Variants in FSTL4 observed in about 807,000 individuals in gnomAD.
The protein encoded by FSTL4 is follistatin-related protein 4.
Under a neutral mutation model 78.2 loss-of-function variants are expected in FSTL4, and 28 were observed. That is an observed-to-expected ratio of 0.36 (90% CI 0.27 to 0.49). The LOEUF is 0.49. Among genes scored for constraint, FSTL4 ranks in the 20% least tolerant of loss-of-function variants. The pLI, the probability that FSTL4 is intolerant of heterozygous loss-of-function variation, is 0.98. For missense variants in FSTL4, 922 were observed against 1,084.9 expected, an observed-to-expected ratio of 0.85 and a Z score of 2.11; for synonymous variants, 422 against 440.5, an observed-to-expected ratio of 0.96 and a Z score of 0.53.
chr5:133,400,048 C>T (rs930735815), intron 4 of FSTL4, among the ~76,000 whole-genome samples: 1 of 152,206 alleles, frequency 6.6e-6, no homozygotes, highest in African/African-American at 2.4e-5. Context: ...GGGCACAGTG[C>T]TAGGTGCTAA....
chr5:133,300,397 C>A (rs1561662413), intron 6 of FSTL4, among the ~76,000 whole-genome samples: 1 of 152,188 alleles, frequency 6.6e-6, no homozygotes, highest in South Asian at 2.1e-4. Context: ...CCCCGTTCCC[C>A]ACCCAACCCT....
Position 133,440,709 on chromosome 5 carries a change from G to A in FSTL4, c.161-39723C>T, listed in dbSNP as rs1757141858. On this transcript the variant is annotated intron_variant, in intron 3 of 15. Transcript: ENST00000265342. This position sits in a 1 kb window ranked among gnomAD's most constrained non-coding sequence, Gnocchi z 4.1. ...GAATGTCCAAGCAGGGGGAAGAGAA[G>A]ACAGTGGAGACTGCAAGAGGCCTAG... Among the ~76,000 whole-genome samples the A allele has an allele frequency of 6.6e-6, 1 of 152,166 alleles. No individual in the cohort carries two copies. The highest frequency in any genetic ancestry group is 2.4e-5 in the African/African-American group (1 of 41,446).
the FSTL4 span, among the ~76,000 whole-genome samples, chr5:133,785,923 T>A: frequency 6.6e-6 from 1 of 152,308 alleles, no homozygotes; most frequent in South Asian, 2.1e-4. Context: ...CATTGTCAGG[T>A]CTGTGCTGCT....
chr5:133,450,494 C>A (rs949582452), intron 3 of FSTL4, among the ~76,000 whole-genome samples: 4 of 152,240 alleles, frequency 2.6e-5, no homozygotes, highest in African/African-American at 9.6e-5. Flanking sequence ...GCTCTGAGAA[C>A]CACCACTGGT....
At chr5:133,419,147 A>G (rs991082436) in intron 3 of FSTL4, among the ~76,000 whole-genome samples, 12 of 152,010 alleles carry the variant, frequency 7.9e-5, no homozygotes, top group African/African-American at 2.9e-4. Flanking sequence ...TTATTTTTTG[A>G]GATGGAGTCT....
At chr5:133,721,063 A>G in the FSTL4 span, 38 of 152,070 alleles carry the variant, frequency 2.5e-4, no homozygotes, top group African/African-American at 8.4e-4. Context: ...TTTAATTTGC[A>G]TTTTCCTAGT....
At chr5:133,695,506 C>T in the FSTL4 span, among the ~76,000 whole-genome samples, 2 of 152,188 alleles carry the variant, frequency 1.3e-5, no homozygotes, top group Non-Finnish European at 2.9e-5. Context: ...AAACATAGTT[C>T]CCACTCAAGC....
rs191945103 is a variant in FSTL4, at chr5:133,601,501, T to C, written c.126+2357A>G. On this transcript the variant is annotated intron_variant, in intron 2 of 15. Coordinates refer to ENST00000265342, the MANE Select transcript of FSTL4 (RefSeq NM_015082.2). ...CCTGAAGGAGGAGGAGAGTCAGGTG[T>C]AGAAAGCAAAGACATAGAAAGGAGA... 5.3e-5 allele frequency among the ~76,000 whole-genome samples: 8 copies of C among 152,088 alleles called. 1 individual carries two copies. Among genetic ancestry groups the C allele is most frequent in the African/African-American group, 1.9e-4 (8 of 41,464 alleles).
chr5:133,388,857 T>C (rs1755770556), intron 4 of FSTL4, among the ~76,000 whole-genome samples: 1 of 152,150 alleles, frequency 6.6e-6, no homozygotes, highest in African/African-American at 2.4e-5. Context: ...TTTTTAAATC[T>C]TCTTCTCATT....
chr5:133,692,818 C>T, the FSTL4 span, among the ~76,000 whole-genome samples: 1 of 152,216 alleles, frequency 6.6e-6, no homozygotes, highest in African/African-American at 2.4e-5. Flanking sequence ...TCCTACTCAA[C>T]CTTCACAGCC....
intron 4 of FSTL4, among the ~76,000 whole-genome samples, chr5:133,320,670 G>A (rs1754024418): frequency 6.6e-6 from 1 of 152,094 alleles, no homozygotes; most frequent in Admixed American, 6.5e-5. Context: ...TCTGCTGTGC[G>A]GGCTCCGAGA....
intron 6 of FSTL4, among the ~76,000 whole-genome samples, chr5:133,287,170 C>T (rs1009398736): frequency 6.6e-6 from 1 of 152,070 alleles, no homozygotes; most frequent in South Asian, 2.1e-4. Flanking sequence ...GGGTGGATCA[C>T]AAGGTCAGGA....
intron 4 of FSTL4, among the ~76,000 whole-genome samples, chr5:133,327,230 G>A (rs993514307): frequency 6.6e-6 from 1 of 152,196 alleles, no homozygotes; most frequent in African/African-American, 2.4e-5. Context: ...GAAACGCAAC[G>A]GTATGGGAGA....
At chr5:133,828,191 G>A in the FSTL4 span, among the ~76,000 whole-genome samples, 1 of 152,204 alleles carries the variant, frequency 6.6e-6, no homozygotes, top group Non-Finnish European at 1.5e-5. Flanking sequence ...GTGTGAGCTG[G>A]TGGGTCTGGT....
chr5:133,600,034 C>T (rs1027117115), intron 2 of FSTL4, among the ~76,000 whole-genome samples: 3 of 152,158 alleles, frequency 2.0e-5, no homozygotes, highest in Non-Finnish European at 4.4e-5. Flanking sequence ...TTTATCTTGA[C>T]CAGTGTACAG....
chr5:133,449,504 G>A (rs1757338410), intron 3 of FSTL4, among the ~76,000 whole-genome samples: 1 of 152,212 alleles, frequency 6.6e-6, no homozygotes, highest in Admixed American at 6.5e-5. Context: ...TGGGGTTGGG[G>A]CCTGGAGACA....
intron 4 of FSTL4, among the ~76,000 whole-genome samples, chr5:133,318,199 C>T (rs1012373351): frequency 2.6e-5 from 4 of 152,256 alleles, no homozygotes; most frequent in Non-Finnish European, 4.4e-5. Context: ...CTGACAAGAA[C>T]GCCTCTCTCC....
the FSTL4 span, among the ~76,000 whole-genome samples, chr5:133,833,119 A>T: frequency 1.3e-5 from 2 of 152,234 alleles, no homozygotes; most frequent in Admixed American, 1.3e-4. Flanking sequence ...CCCTGCTGAG[A>T]CAGCTCTGTC....
chr5:133,358,756 C>G (rs146951323), intron 4 of FSTL4, among the ~76,000 whole-genome samples: 2,341 of 152,122 alleles, frequency 0.015, 23 homozygotes, highest in Non-Finnish European at 0.025. Context: ...CCCGCCACCA[C>G]ACCCAGCTAA....
Sources: allele counts gnomAD v4.1 joint callset (sites outside exome capture counted in the v4.1 genomes callset), GRCh38; gene constraint gnomAD v4.1.1; non-coding constraint Gnocchi (gnomAD v3.1); transcripts MANE v1.5; gene names NCBI Gene and HGNC (gene_info 2026-07-23, HGNC 2026-07-21).